SLC19A3: variants seen among roughly 807,000 people sequenced by gnomAD.
SLC19A3 encodes solute carrier family 19 member 3, also known as thiamine transporter 2.
Under a neutral mutation model 40.2 loss-of-function variants are expected in SLC19A3, and 31 were observed. That is an observed-to-expected ratio of 0.77 (90% CI 0.58 to 1.04). The LOEUF (loss-of-function observed/expected upper bound fraction) is 1.04. Among genes scored for constraint, SLC19A3 ranks in the 50% least tolerant of loss-of-function variants. SLC19A3 has a pLI of 0.00. For synonymous variants in SLC19A3, 212 were observed against 227.5 expected, an observed-to-expected ratio of 0.93 and a Z score of 0.61; for missense variants, 592 against 596.7, an observed-to-expected ratio of 0.99 and a Z score of 0.08.
At chr2:227,709,902 C>T (rs577885616) in intron 1 of SLC19A3, among the ~76,000 whole-genome samples, 4 of 152,102 alleles carry the variant, frequency 2.6e-5, no homozygotes, top group Non-Finnish European at 5.9e-5. Context: ...ACCAGGAACC[C>T]GTTTCATGGA....
intron 1 of SLC19A3, among the ~76,000 whole-genome samples, chr2:227,704,984 G>A (rs1695871902): frequency 6.6e-6 from 1 of 151,468 alleles, no homozygotes; most frequent in Admixed American, 6.6e-5. Context: ...GGGTTCAAGT[G>A]ATTCTCCTGC....
chr2:227,690,194 A>C (rs375967641), intron 4 of SLC19A3, among the ~76,000 whole-genome samples: 1 of 152,190 alleles, frequency 6.6e-6, no homozygotes, highest in African/African-American at 2.4e-5. Context: ...AAAAAGACCC[A>C]ATGACCTGTT....
At chr2:227,687,659 G>T in intron 5 of SLC19A3, 86 bp from the exon 6 acceptor site, 2 of 1,438,040 alleles carry the variant, frequency 1.4e-6, no homozygotes, top group African/African-American at 1.4e-5. Flanking sequence ...GGTTTGCTTG[G>T]ATTATGGGGT....
intron 1 of SLC19A3, chr2:227,714,466 C>T (rs1696258683): frequency 2.0e-6 from 2 of 985,202 alleles, no homozygotes; most frequent in Non-Finnish European, 2.4e-6. Context: ...TTTCTGTGCC[C>T]CCAGTTTCTT....
chr2:227,708,461 C>T (rs922386891), intron 1 of SLC19A3, among the ~76,000 whole-genome samples: 1 of 151,994 alleles, frequency 6.6e-6, no homozygotes, highest in Non-Finnish European at 1.5e-5. Context: ...CAGCCGGACA[C>T]GGTGGCTCAT....
rs1395917397 is a variant in SLC19A3, at chr2:227,696,040, A to C, written c.1021T>G (p.Trp341Gly). ...AFAVGYVKVN[W>G]DLLGELALVV... Reference sequence around the variant, plus strand: ...AGAGCCAGCTCTCCCAGAAGGTCCCAGTTGACTTTCACATAACCCACTGCA... The same window carrying C: ...AGAGCCAGCTCTCCCAGAAGGTCCCCGTTGACTTTCACATAACCCACTGCA... The change falls in exon 4 of 6, where the codon TGG (tryptophan) becomes GGG (glycine). Residue 341 changes from tryptophan (W) to glycine (G), a missense_variant. Coordinates refer to ENST00000644224, the MANE Select transcript of SLC19A3 (RefSeq NM_025243.4). 6.2e-7 allele frequency: 1 copy of C among 1,613,958 alleles called. No homozygotes were observed. The highest frequency in any genetic ancestry group is 2.2e-5 in the East Asian group (1 of 44,864).
chr2:227,714,897 G>A (rs1432995870), intron 1 of SLC19A3, among the ~76,000 whole-genome samples: 3 of 131,120 alleles, frequency 2.3e-5, no homozygotes, highest in African/African-American at 8.6e-5. Context: ...CCCACTCACC[G>A]CAACCACTGC....
In SLC19A3 at chr2:227,703,399, T is replaced by TA. The variant is rs1038260112; in HGVS notation, c.-2-1080dup. The stretch of plus-strand genomic sequence containing the variant: ...CATCATTGCGGCTTGCCACTCACCC[T>TA]ACCCTTTCCCAAGGTGACCCCGACA... On this transcript the variant is annotated intron_variant, in intron 1 of 5. Transcript: ENST00000644224. The surrounding 1 kb of genome is among the most constrained non-coding windows in gnomAD (Gnocchi z 4.7). Among the ~76,000 whole-genome samples, 52 of 152,292 alleles carry TA rather than the reference T, an allele frequency of 3.4e-4. No homozygotes were observed. The highest frequency in any genetic ancestry group is 1.8e-3 in the Admixed American group (28 of 15,298).
At chr2:227,697,181 C>A (rs1047266703) in intron 3 of SLC19A3, among the ~76,000 whole-genome samples, 1 of 151,824 alleles carries the variant, frequency 6.6e-6, no homozygotes, top group Non-Finnish European at 1.5e-5. Context: ...TTTTTCCCCC[C>A]ATGGATTTGG....
At chr2:227,701,073 C>T in intron 2 of SLC19A3, 2 of 1,303,668 alleles carry the variant, frequency 1.5e-6, no homozygotes, top group Non-Finnish European at 2.0e-6. Context: ...GACCCTGCAT[C>T]TGTCCTTTGT....
chr2:227,702,455 A>C, intron 1 of SLC19A3, 135 bp from the exon 2 acceptor site: 1 of 860,820 alleles, frequency 1.2e-6, no homozygotes, highest in Non-Finnish European at 1.8e-6. Flanking sequence ...GTGCAGTGGC[A>C]TGATCTCAGC....
intron 1 of SLC19A3, among the ~76,000 whole-genome samples, chr2:227,706,026 C>T (rs867077532): frequency 4.7e-5 from 7 of 150,008 alleles, no homozygotes; most frequent in Middle Eastern, 3.2e-3. Flanking sequence ...CCACTCTGGG[C>T]GACAGAGTGA....
chr2:227,706,226 C>T (rs866504446), intron 1 of SLC19A3: 7 of 816,734 alleles, frequency 8.6e-6, no homozygotes, highest in African/African-American at 5.4e-5. Context: ...GTCATATTAT[C>T]CGCCTCTAAA....
Position 227,699,345 on chromosome 2 carries a change from A to C in SLC19A3, c.370T>G (p.Tyr124Asp). The C allele has an allele frequency of 6.2e-7, 1 of 1,614,204 alleles. No individual in the cohort carries two copies. The highest frequency in any genetic ancestry group is 8.5e-7 in the Non-Finnish European group (1 of 1,180,042). ...CTGACCACGCTGTATATGTAGGCGT[A>C]GTAGGCCACCTCGGCGGCGGTGACC... Reference protein sequence around the residue: ...GMVTAAEVAYYAYIYSVVSPE... With the variant: ...GMVTAAEVAYDAYIYSVVSPE... The change falls in exon 3 of 6, where the codon TAC (tyrosine) becomes GAC (aspartate). Residue 124 changes from tyrosine (Y) to aspartate (D), a missense_variant. Physicochemically the swap from Tyr to Asp is radical, Grantham distance 160 (BLOSUM62 -3). Coordinates refer to ENST00000644224, the MANE Select transcript of SLC19A3 (RefSeq NM_025243.4).
intron 2 of SLC19A3, among the ~76,000 whole-genome samples, chr2:227,701,416 G>A (rs1424746283): frequency 6.6e-6 from 1 of 152,104 alleles, no homozygotes; most frequent in Non-Finnish European, 1.5e-5. Context: ...GAGGCCAGAA[G>A]TTCGAGACCA....
intron 4 of SLC19A3, among the ~76,000 whole-genome samples, chr2:227,695,231 T>C (rs1367250512): frequency 6.6e-6 from 1 of 152,202 alleles, no homozygotes; most frequent in Non-Finnish European, 1.5e-5. Flanking sequence ...AAAGTAGGAA[T>C]GAAATCTAAA....
At chr2:227,693,682 A>G (rs1337649403) in intron 4 of SLC19A3, among the ~76,000 whole-genome samples, 1 of 152,160 alleles carries the variant, frequency 6.6e-6, no homozygotes, top group African/African-American at 2.4e-5. Context: ...TGGAGTGGGC[A>G]AAGATTTCTT....
intron 1 of SLC19A3, chr2:227,706,403 GTCA>G: frequency 8.1e-7 from 1 of 1,231,054 alleles, no homozygotes; most frequent in Non-Finnish European, 1.0e-6. Context: ...TCCTGTAGCA[GTCA>G]TCTTCACCCA....
In SLC19A3 at chr2:227,686,084, C is replaced by A; in HGVS notation, c.*1313G>T. Reference sequence around the variant, plus strand: ...TGGTGGTGTGCACCCATAGTCCCAGCTACTTGGGAGGCTGAGGTAGGAGAA... The same window carrying A: ...TGGTGGTGTGCACCCATAGTCCCAGATACTTGGGAGGCTGAGGTAGGAGAA... On this transcript the variant is annotated 3_prime_UTR_variant, in exon 6 of 6. Transcript: ENST00000644224. 2.3e-6 allele frequency: 1 copy of A among 438,868 alleles called. No individual in the cohort carries two copies. The highest frequency in any genetic ancestry group is 1.6e-5 in the South Asian group (1 of 62,084). 27.2% of individuals were successfully genotyped at this position (438,868 alleles called of 1,614,324 possible).
Sources: allele counts gnomAD v4.1 joint callset (sites outside exome capture counted in the v4.1 genomes callset), GRCh38; gene constraint gnomAD v4.1.1; non-coding constraint Gnocchi (gnomAD v3.1); transcripts MANE v1.5; gene names NCBI Gene and HGNC (gene_info 2026-07-23, HGNC 2026-07-21).